Variants in WARS1 observed in about 807,000 individuals in gnomAD.
WARS1 encodes tryptophan--tRNA ligase, cytoplasmic.
A neutral mutation model predicts 47.8 loss-of-function variants in WARS1; 17 were observed. The ratio of observed to expected loss-of-function variants is 0.36; its 90% CI spans 0.24 to 0.53. The LOEUF (loss-of-function observed/expected upper bound fraction) is 0.53, where lower values mean the gene tolerates loss of function less well. WARS1 is among the 20% of genes least tolerant of loss of function. The probability of loss-of-function intolerance (pLI) is 0.91; values close to 1 mark genes in which losing one functional copy is unlikely to be tolerated. For synonymous variants in WARS1, 208 were observed against 228.1 expected (o/e 0.91, Z 0.79); for missense variants, 434 against 608.0 (o/e 0.71, Z 3.01).
chr14:100,341,611 C>T (rs1355682064), intron 9 of WARS1, among the ~76,000 whole-genome samples: 1 of 152,236 alleles, frequency 6.6e-6, no homozygotes, highest in East Asian at 1.9e-4. Context: ...ATTATATATA[C>T]ACTGGCTGTT....
chr14:100,335,221 G>A (rs918917936), intron 10 of WARS1, among the ~76,000 whole-genome samples, 185 bp from the exon 11 acceptor site: 10 of 152,122 alleles, frequency 6.6e-5, no homozygotes, highest in Admixed American at 2.0e-4. Flanking sequence ...TTCCTAAAAC[G>A]GCTAGAAACC....
At chr14:100,360,754 C>G (rs1365661180) in intron 3 of WARS1, 92 bp from the exon 4 acceptor site, 1 of 940,272 alleles carries the variant, frequency 1.1e-6, no homozygotes, top group African/African-American at 1.6e-5. Flanking sequence ...GTGATCCATG[C>G]ACAATCTTAA....
At chr14:100,360,703 G>A (rs1045360974) in intron 3 of WARS1, 41 bp from the exon 4 acceptor site, 2 of 1,465,666 alleles carry the variant, frequency 1.4e-6, no homozygotes, top group Non-Finnish European at 1.9e-6. Context: ...GTGGCAGGAG[G>A]TTTAGTGATC....
In WARS1 at chr14:100,345,938, C is replaced by T. The variant is rs911906455; in HGVS notation, c.826+808G>A. ...GACCCTGACGCTGTGGAGCACACGC[C>T]GCTGTGGCTCTGGCTCCAAGCAGGG... On this transcript the variant is annotated intron_variant, in intron 7 of 10. Coordinates refer to ENST00000392882, the MANE Select transcript of WARS1 (RefSeq NM_004184.4). 4.6e-5 allele frequency among the ~76,000 whole-genome samples: 7 copies of T among 152,346 alleles called. No individual in the cohort carries two copies. The South Asian group carries it at 1.2e-3, about 27-fold the overall frequency.
chr14:100,362,593 CTT>C (rs1441445456), intron 2 of WARS1, among the ~76,000 whole-genome samples: 1 of 151,624 alleles, frequency 6.6e-6, no homozygotes, highest in Non-Finnish European at 1.5e-5. Flanking sequence ...ATTAAAGACT[CTT>C]TTGCAGGAGT....
chr14:100,363,706 C>T (rs1566862020), intron 2 of WARS1, among the ~76,000 whole-genome samples: 1 of 152,118 alleles, frequency 6.6e-6, no homozygotes, highest in African/African-American at 2.4e-5. Context: ...CCACAAAAAA[C>T]CCAGAACATC....
At chr14:100,351,775 T>C (rs1311933138) in intron 6 of WARS1, among the ~76,000 whole-genome samples, 1 of 152,024 alleles carries the variant, frequency 6.6e-6, no homozygotes, top group Non-Finnish European at 1.5e-5. Flanking sequence ...AGGCAGATCA[T>C]GAGGTCAGAA....
chr14:100,361,720 C>G lies in WARS1; in HGVS notation c.301G>C (p.Asp101His). 6.2e-7 allele frequency: 1 copy of G among 1,614,146 alleles called. No individual in the cohort carries two copies. The highest frequency in any genetic ancestry group is 8.5e-7 in the Non-Finnish European group (1 of 1,180,018). Residue 101 changes from aspartate to histidine, a missense_variant, in exon 3 of 11, where the codon GAT becomes CAT. Coordinates refer to ENST00000392882, the MANE Select transcript of WARS1 (RefSeq NM_004184.4). ...QTSSAKGIDYDKLIVRFGSSK... is the reference protein window; with the variant it reads ...QTSSAKGIDYHKLIVRFGSSK... Reference sequence around the variant, plus strand: ...GCAGAGGACGTACCAATGAGCTTATCGTAGTCTATGCCTTTTGCACTGCTT... The same window carrying G: ...GCAGAGGACGTACCAATGAGCTTATGGTAGTCTATGCCTTTTGCACTGCTT...
chr14:100,349,408 G>A (rs1894829221), intron 6 of WARS1, among the ~76,000 whole-genome samples: 1 of 152,184 alleles, frequency 6.6e-6, no homozygotes, highest in South Asian at 2.1e-4. Context: ...GCATATAGCA[G>A]ATGTCCAATA....
chr14:100,340,767 T>G (rs942242460), intron 9 of WARS1, among the ~76,000 whole-genome samples: 5 of 151,270 alleles, frequency 3.3e-5, no homozygotes, highest in Admixed American at 2.6e-4. Context: ...GGCCCTGTTC[T>G]GCCCCACAAG....
At chr14:100,337,640 C>G (rs1002866501) in intron 9 of WARS1, among the ~76,000 whole-genome samples, 3 of 144,174 alleles carry the variant, frequency 2.1e-5, no homozygotes, top group African/African-American at 7.7e-5. Flanking sequence ...CGATTGAGGC[C>G]AGGAGGTCAA....
At chr14:100,350,534 T>G (rs373473180) in intron 6 of WARS1, among the ~76,000 whole-genome samples, 2 of 152,022 alleles carry the variant, frequency 1.3e-5, no homozygotes, top group East Asian at 1.9e-4. Flanking sequence ...AAAGTGGGGT[T>G]GCTCAGGTGG....
chr14:100,376,291 C>T (rs1166986747), upstream of WARS1: 2 of 966,152 alleles, frequency 2.1e-6, no homozygotes, highest in East Asian at 3.3e-5. Context: ...GCGCTCCCGG[C>T]TCAGCAACCG....
intron 7 of WARS1, among the ~76,000 whole-genome samples, chr14:100,344,499 C>T (rs1254989242): frequency 6.6e-6 from 1 of 152,282 alleles, no homozygotes; most frequent in African/African-American, 2.4e-5. Flanking sequence ...TCTGCATGGC[C>T]GCCACCCCGT....
At position 100,365,170 on chromosome 14, in the gene WARS1, G is replaced by A. The variant is rs1317923243; in HGVS notation, c.100-3249C>T. 2.4e-5 allele frequency among the ~76,000 whole-genome samples: 3 copies of A among 125,698 alleles called. No individual in the cohort carries two copies. The South Asian group carries it at 7.8e-4, about 33-fold the overall frequency. The allele number at this position is 125,698 out of a possible 152,430, so 82.5% of individuals were successfully genotyped here. ...ACACACACACACACACACAAATAAT[G>A]ATTTAAATCAGGGTCCCAAATAGTC... On this transcript the variant is annotated intron_variant, in intron 2 of 10. Transcript: ENST00000392882.
chr14:100,342,475 C>T lies in WARS1; in HGVS notation c.1036G>A (p.Ala346Thr). Residue 346 changes from alanine to threonine, a missense_variant, in exon 9 of 11, where the codon GCC becomes ACC. Around this residue, in one of 2 missense-constraint regions of WARS1, gnomAD observed 347 missense variants for 523.8 expected, o/e 0.66. Coordinates refer to ENST00000392882, the MANE Select transcript of WARS1 (RefSeq NM_004184.4). Reference protein sequence around the residue: ...HSTFFPALQGAQTKMSASDPN... With the variant: ...HSTFFPALQGTQTKMSASDPN... Reference sequence around the variant, plus strand: ...TCGCTGGCACTCATTTTGGTCTGGGCGCCCTGCAGGGCTGGGAAGAAGGTG... The same window carrying T: ...TCGCTGGCACTCATTTTGGTCTGGGTGCCCTGCAGGGCTGGGAAGAAGGTG... The T allele has an allele frequency of 6.2e-6, 10 of 1,614,002 alleles. No homozygotes were observed. Among genetic ancestry groups the T allele is most frequent in the Non-Finnish European group, 8.5e-6 (10 of 1,179,964 alleles).
At position 100,343,290 on chromosome 14, in the gene WARS1, T is replaced by C. The variant is rs1894298755; in HGVS notation, c.924A>G (p.Pro308=). Residue 308 remains proline, a synonymous_variant, in exon 8 of 11, where the codon CCA becomes CCG. Coordinates refer to ENST00000392882, the MANE Select transcript of WARS1 (RefSeq NM_004184.4). ...GCCTGCTGACCTGGTCAATGGCACA[T>C]GGGATAAGGCACTGGATATCCGTCC... ...RDRTDIQCLI[P]CAIDQDPYFR... 3 of 1,612,260 alleles carry C rather than the reference T, an allele frequency of 1.9e-6. No individual in the cohort carries two copies. The highest frequency in any genetic ancestry group is 1.7e-5 in the Admixed American group (1 of 59,852).
intron 9 of WARS1, 117 bp downstream of exon 9, chr14:100,342,281 G>T: frequency 7.0e-7 from 1 of 1,423,228 alleles, no homozygotes. Context: ...GTTCAGCATT[G>T]CTACGGTGGC....
rs1274562519 is a variant in WARS1 at position 100,334,722 on chromosome 14, A to C, written c.*153T>G. ...TAGAAATAATGGAACTCACAGGAAG[A>C]AACAGTATTGATAACATACACAGGC... On this transcript the variant is annotated 3_prime_UTR_variant, in exon 11 of 11. Coordinates refer to ENST00000392882, the MANE Select transcript of WARS1 (RefSeq NM_004184.4). 1.3e-6 allele frequency: 1 copy of C among 792,644 alleles called. No individual in the cohort carries two copies. Among genetic ancestry groups the C allele is most frequent in the Non-Finnish European group, 2.0e-6 (1 of 511,714 alleles). The allele number at this position is 792,644 out of a possible 1,614,324, so 49.1% of individuals were successfully genotyped here. A position where few individuals can be genotyped will look rare whatever the true frequency, so the allele number is the denominator to read the frequency against.
Sources: gnomAD v4.1 joint callset for allele counts (sites outside exome capture counted in the v4.1 genomes callset) on GRCh38, gnomAD v4.1.1 for gene constraint, gnomAD v4.1.1 regional missense constraint, MANE v1.5 for transcripts, NCBI Gene and HGNC (gene_info 2026-07-23, HGNC 2026-07-21) for gene names.